The following PARP14 variants were observed in gnomAD, a reference collection of about 807,000 sequenced individuals.
PARP14 encodes the protein poly(ADP-ribose) polymerase family member 14, also known as protein mono-ADP-ribosyltransferase PARP14.
A neutral mutation model predicts 154.2 loss-of-function variants in PARP14; 59 were observed. The ratio of observed to expected loss-of-function variants is 0.38; its 90% CI spans 0.31 to 0.48. The LOEUF (loss-of-function observed/expected upper bound fraction) is 0.48. Among genes scored for constraint, PARP14 ranks in the 20% least tolerant of loss-of-function variants. The probability of loss-of-function intolerance (pLI) is 0.98; values close to 1 mark genes in which losing one functional copy is unlikely to be tolerated. For missense variants in PARP14, 1,734 were observed against 2,131.6 expected (o/e 0.81, Z 3.67); for synonymous variants, 720 against 780.5 (o/e 0.92, Z 1.29).
At position 122,703,947 on chromosome 3, in the gene PARP14, A is replaced by G. The variant is rs764538953; in HGVS notation, c.3287A>G (p.Glu1096Gly). 1.9e-5 allele frequency: 31 copies of G among 1,613,728 alleles called. No homozygotes were observed. The highest frequency in any genetic ancestry group is 2.4e-5 in the Non-Finnish European group (28 of 1,179,766). Residue 1096 changes from glutamate (E) to glycine (G), a missense_variant, in exon 7 of 17, where the codon GAG becomes GGG. Physicochemically the swap from Glu to Gly is moderately conservative, Grantham distance 98 (BLOSUM62 -2). Transcript: ENST00000474629. ...CRYVLHVVAP[E>G]WRNGSTSSLK... ...TATGTGCTTCACGTGGTAGCTCCGG[A>G]GTGGAGAAATGGTAGCACATCTTCA...
intron 4 of PARP14, among the ~76,000 whole-genome samples, chr3:122,692,851 C>T (rs1171928241): frequency 6.6e-6 from 1 of 151,976 alleles, no homozygotes; most frequent in Non-Finnish European, 1.5e-5. Context: ...CATCTGAAGT[C>T]CAAGTGATTC....
intron 8 of PARP14, among the ~76,000 whole-genome samples, chr3:122,707,362 C>T (rs1363904499): frequency 6.7e-6 from 1 of 150,232 alleles, no homozygotes; most frequent in Non-Finnish European, 1.5e-5. Flanking sequence ...GCCTGGGTGA[C>T]AGAATGAGAC....
intron 15 of PARP14, among the ~76,000 whole-genome samples, chr3:122,726,445 C>G (rs1236210833): frequency 6.6e-6 from 1 of 152,220 alleles, no homozygotes; most frequent in Non-Finnish European, 1.5e-5. Context: ...CTTCCCTTCT[C>G]TCTGCAATCT....
Position 122,700,389 on chromosome 3 carries a change from A to G in PARP14, c.1835A>G (p.Lys612Arg), listed in dbSNP as rs377205186. ...EVENKEVLHGKKWKGLTHNLL... is the reference protein window; with the variant it reads ...EVENKEVLHGRKWKGLTHNLL... ...GAGAACAAAGAAGTTCTTCATGGCAAGAAATGGAAAGGGCTCACTCACAAT... is the reference window on the plus strand; with the variant it reads ...GAGAACAAAGAAGTTCTTCATGGCAGGAAATGGAAAGGGCTCACTCACAAT... Residue 612 changes from lysine to arginine, a missense_variant, in exon 6 of 17, where the codon AAG (lysine) becomes AGG (arginine). By Grantham distance (26) the Lys-to-Arg change is conservative (BLOSUM62 2). This residue lies in a region of PARP14 where 1,646 missense variants were observed against 1,976.0 expected (regional missense o/e 0.83). Transcript: ENST00000474629. 2.2e-5 allele frequency: 36 copies of G among 1,613,838 alleles called. No individual in the cohort carries two copies. Among genetic ancestry groups the G allele is most frequent in the Non-Finnish European group, 3.1e-5 (36 of 1,179,862 alleles).
At chr3:122,699,356 T>C in intron 5 of PARP14, 34 bp from the exon 6 acceptor site, 2 of 1,371,994 alleles carry the variant, frequency 1.5e-6, no homozygotes, top group Middle Eastern at 1.9e-4. Context: ...TATATCATCC[T>C]GGGCTTACAT....
chr3:122,725,572 T>C (rs1239171451), intron 15 of PARP14, among the ~76,000 whole-genome samples: 1 of 152,208 alleles, frequency 6.6e-6, no homozygotes, highest in Non-Finnish European at 1.5e-5. Flanking sequence ...AAAATTATTA[T>C]TAGCAATATT....
intron 11 of PARP14, 98 bp from the exon 12 acceptor site, chr3:122,714,164 C>A: frequency 7.6e-6 from 7 of 922,124 alleles, no homozygotes; most frequent in Non-Finnish European, 7.9e-6. Flanking sequence ...TTTTTTTTTT[C>A]ACAAAATGCT....
At chr3:122,707,239 C>T (rs917607284) in intron 8 of PARP14, among the ~76,000 whole-genome samples, 7 of 151,772 alleles carry the variant, frequency 4.6e-5, no homozygotes, top group Non-Finnish European at 8.8e-5. Flanking sequence ...ATGGTGAAAC[C>T]CCGTCTCTAC....
At chr3:122,689,852 A>T (rs928839464) in intron 3 of PARP14, among the ~76,000 whole-genome samples, 4 of 152,138 alleles carry the variant, frequency 2.6e-5, no homozygotes, top group Non-Finnish European at 5.9e-5. Context: ...TTCTGGATCT[A>T]GTCTGCTTTT....
rs560127421 is a variant in PARP14 at position 122,697,263 on chromosome 3, C to T, written c.835+1601C>T. 2.0e-5 allele frequency among the ~76,000 whole-genome samples: 3 copies of T among 152,302 alleles called. No homozygotes were observed. The South Asian group carries it at 6.2e-4, about 32-fold the overall frequency. On this transcript the variant is annotated intron_variant, in intron 5 of 16. Coordinates refer to ENST00000474629, the MANE Select transcript of PARP14 (RefSeq NM_017554.3). ...GTCACTGCACCCAGCTTAGCTTCTC[C>T]TTCTTTTAATTTTAACTTACATTTG...
At chr3:122,684,192 A>G (rs1353400731) in intron 1 of PARP14, among the ~76,000 whole-genome samples, 2 of 152,202 alleles carry the variant, frequency 1.3e-5, no homozygotes, top group African/African-American at 4.8e-5. Context: ...ATATCAGAAC[A>G]CAGCATAGTG....
chr3:122,727,062 C>T (rs772157526), intron 15 of PARP14, among the ~76,000 whole-genome samples: 12 of 150,680 alleles, frequency 8.0e-5, no homozygotes, highest in South Asian at 4.2e-4. Flanking sequence ...TTCTCCAAAA[C>T]GGAAAACATT....
Position 122,701,582 on chromosome 3 carries a change from TC to T in PARP14, c.3032del (p.Pro1011ArgfsTer9). On this transcript the variant is annotated frameshift_variant, in exon 6 of 17. Coordinates refer to ENST00000474629, the MANE Select transcript of PARP14 (RefSeq NM_017554.3). LOFTEE classifies it high-confidence loss of function. This position sits in a 1 kb window ranked among gnomAD's most constrained non-coding sequence, Gnocchi z 4.0. ...KTSWEKGSLV[S>X]PGGLQMLLVK... ...ATCATGGGAAAAAGGAAGCCTGGTG[TC>T]CCCGGGAGGCCTGCAGATGCTGTTG... 1 of 1,607,392 alleles carries T rather than the reference TC, an allele frequency of 6.2e-7. No homozygotes were observed. Among genetic ancestry groups the T allele is most frequent in the Non-Finnish European group, 8.5e-7 (1 of 1,176,518 alleles).
intron 14 of PARP14, among the ~76,000 whole-genome samples, chr3:122,719,466 T>G (rs898969254): frequency 6.6e-6 from 1 of 152,224 alleles, no homozygotes; most frequent in Non-Finnish European, 1.5e-5. Flanking sequence ...AAAAGGTTCC[T>G]TGACACACAT....
Position 122,718,900 on chromosome 3 carries a change from C to T in PARP14, c.4749C>T (p.Tyr1583=). Residue 1583 remains tyrosine, a synonymous_variant, in exon 14 of 17, where the codon TAC becomes TAT. Transcript: ENST00000474629. The stretch of plus-strand genomic sequence containing the variant: ...ACTACACAGTGAACTTGAACACATA[C>T]ACTGCCACAGACACAAAGGGCCACA... ...HRHYTVNLNT[Y]TATDTKGHSL... is the part of the protein sequence containing the mutation. 1.2e-6 allele frequency: 2 copies of T among 1,613,440 alleles called. No individual in the cohort carries two copies. Among genetic ancestry groups the T allele is most frequent in the Middle Eastern group, 1.7e-4 (1 of 6,056 alleles).
At position 122,709,972 on chromosome 3, in the gene PARP14, C is replaced by T. The variant is rs546616069; in HGVS notation, c.3619+1704C>T. Among the ~76,000 whole-genome samples, 100 of 150,544 alleles carry T rather than the reference C, an allele frequency of 6.6e-4. 1 individual carries two copies. The highest frequency in any genetic ancestry group is 1.3e-3 in the Non-Finnish European group (88 of 67,744). On this transcript the variant is annotated intron_variant, in intron 9 of 16. Coordinates refer to ENST00000474629, the MANE Select transcript of PARP14 (RefSeq NM_017554.3). Reference sequence around the variant, plus strand: ...TAGATTCTAGATACTGGTCCTTTGTCGGATGCATAGTCTTCAAATATTTTC... The same window carrying T: ...TAGATTCTAGATACTGGTCCTTTGTTGGATGCATAGTCTTCAAATATTTTC...
intron 8 of PARP14, among the ~76,000 whole-genome samples, chr3:122,707,889 A>G (rs1456345470): frequency 3.3e-5 from 5 of 152,222 alleles, no homozygotes; most frequent in Admixed American, 1.3e-4. Flanking sequence ...CATTTATTTA[A>G]CTTTTTCCCT....
At chr3:122,707,224 C>G (rs971926494) in intron 8 of PARP14, among the ~76,000 whole-genome samples, 2 of 151,814 alleles carry the variant, frequency 1.3e-5, no homozygotes, top group Non-Finnish European at 2.9e-5. Flanking sequence ...AACAGCCTGG[C>G]TAACATGGTG....
chr3:122,713,923 G>A lies in PARP14; in HGVS notation c.3821G>A (p.Cys1274Tyr), dbSNP rs1048550276. 2.7e-5 allele frequency: 43 copies of A among 1,612,208 alleles called. No individual in the cohort carries two copies. The highest frequency in any genetic ancestry group is 3.6e-5 in the Non-Finnish European group (42 of 1,178,422). ...ECAGQNVERE[C>Y]SQQAQQRKND... ...GCTGGACAAAATGTAGAAAGGGAATGTTCTCAGCAAGGTAAGGCATATTCT... is the reference window on the plus strand; with the variant it reads ...GCTGGACAAAATGTAGAAAGGGAATATTCTCAGCAAGGTAAGGCATATTCT... The change falls in exon 11 of 17, where the codon TGT becomes TAT. Residue 1274 changes from cysteine to tyrosine, a missense_variant. Transcript: ENST00000474629.
Sources: allele counts gnomAD v4.1 joint callset (sites outside exome capture counted in the v4.1 genomes callset), GRCh38; gene constraint gnomAD v4.1.1; regional missense constraint gnomAD v4.1.1; non-coding constraint Gnocchi (gnomAD v3.1); transcripts MANE v1.5; gene names NCBI Gene and HGNC (gene_info 2026-07-23, HGNC 2026-07-21).